Variants in GRIK4 observed in about 807,000 individuals in gnomAD.
GRIK4 encodes the protein glutamate receptor ionotropic, kainate 4.
Under a neutral mutation model 104.9 loss-of-function variants are expected in GRIK4, and 40 were observed. The observed-to-expected ratio is 0.38, with a 90% CI of 0.30 to 0.50. The LOEUF (loss-of-function observed/expected upper bound fraction) is 0.50, where lower values mean the gene tolerates loss of function less well. Among genes scored for constraint, GRIK4 ranks in the 20% least tolerant of loss-of-function variants. The pLI, the probability that GRIK4 is intolerant of heterozygous loss-of-function variation, is 0.93. For synonymous variants in GRIK4, 485 were observed against 524.9 expected, an observed-to-expected ratio of 0.92 and a Z score of 1.04; for missense variants, 1,047 against 1,308.1, an observed-to-expected ratio of 0.80 and a Z score of 3.08.
At chr11:120,634,812 C>G (rs926607777) in intron 1 of GRIK4, among the ~76,000 whole-genome samples, 1 of 152,176 alleles carries the variant, frequency 6.6e-6, no homozygotes, top group Non-Finnish European at 1.5e-5. Context: ...CCTTCCTCCT[C>G]TCTGCCAATC....
chr11:120,886,709 G>T (rs1010893039), intron 11 of GRIK4, among the ~76,000 whole-genome samples: 3 of 152,200 alleles, frequency 2.0e-5, no homozygotes, highest in African/African-American at 7.2e-5. Flanking sequence ...AGCCAAGAGA[G>T]AAGACCAGGA....
At chr11:120,945,816 C>T (rs1391939777) in intron 14 of GRIK4, among the ~76,000 whole-genome samples, 2 of 152,242 alleles carry the variant, frequency 1.3e-5, no homozygotes. Context: ...ATATTCCACA[C>T]ACAACATAGC....
intron 3 of GRIK4, among the ~76,000 whole-genome samples, chr11:120,783,675 A>T (rs561748961): frequency 3.0e-4 from 45 of 152,202 alleles, no homozygotes; most frequent in African/African-American, 1.1e-3. Context: ...GTGGTAAGTG[A>T]TATTTCTTTC....
chr11:120,572,883 T>C lies in GRIK4; in HGVS notation c.-159+60996T>C, dbSNP rs924301850. Among the ~76,000 whole-genome samples the C allele has an allele frequency of 9.9e-5, 15 of 152,266 alleles. No individual in the cohort carries two copies. The South Asian group carries it at 3.1e-3, about 32-fold the overall frequency. Reference sequence around the variant, plus strand: ...AAATGACCCAACTAAGGCCATTAAATATTGTGCAAGAAGATTGGAAAGCCA... The same window carrying C: ...AAATGACCCAACTAAGGCCATTAAACATTGTGCAAGAAGATTGGAAAGCCA... On this transcript the variant is annotated intron_variant, in intron 1 of 20. Transcript: ENST00000527524.
chr11:120,590,092 G>A (rs975473936), intron 1 of GRIK4, among the ~76,000 whole-genome samples: 1 of 152,306 alleles, frequency 6.6e-6, no homozygotes, highest in South Asian at 2.1e-4. Flanking sequence ...GTTTCAATGC[G>A]TTTTTCATCC....
intron 3 of GRIK4, among the ~76,000 whole-genome samples, chr11:120,753,445 G>A (rs1163842364): frequency 6.6e-6 from 1 of 152,026 alleles, no homozygotes; most frequent in Non-Finnish European, 1.5e-5. Flanking sequence ...TGGCTGAGCG[G>A]CCTCAGACAA....
At chr11:120,615,575 C>G (rs1452152675) in intron 1 of GRIK4, among the ~76,000 whole-genome samples, 1 of 152,172 alleles carries the variant, frequency 6.6e-6, no homozygotes, top group Non-Finnish European at 1.5e-5. Context: ...TTCCAGGAAG[C>G]CCAGCCATGC....
rs7109262 is a variant in GRIK4, at chr11:120,903,123, T to C, written c.1273-2167T>C. ...GCCCATCAGGATTTCAGTGCTTTCCTCTCTGGGCTCCTAGAATCGTGATGT... is the reference window on the plus strand; with the variant it reads ...GCCCATCAGGATTTCAGTGCTTTCCCCTCTGGGCTCCTAGAATCGTGATGT... On this transcript the variant is annotated intron_variant, in intron 12 of 20. Transcript: ENST00000527524. This position sits in a 1 kb window ranked among gnomAD's most constrained non-coding sequence, Gnocchi z 4.4. Among the ~76,000 whole-genome samples the C allele has an allele frequency of 0.076, 11,495 of 152,008 alleles. 1,474 individuals are homozygous for C. The highest frequency in any genetic ancestry group is 0.26 in the African/African-American group (10,874 of 41,364).
chr11:120,760,339 AATATAT>A (rs1002376680), intron 3 of GRIK4, among the ~76,000 whole-genome samples: 2 of 148,958 alleles, frequency 1.3e-5, no homozygotes, highest in Non-Finnish European at 3.0e-5. Context: ...AAAGTTGAAT[AATATAT>A]ATATACACAC....
intron 13 of GRIK4, among the ~76,000 whole-genome samples, chr11:120,926,567 G>A (rs2134589416): frequency 6.6e-6 from 1 of 152,338 alleles, no homozygotes; most frequent in South Asian, 2.1e-4. Flanking sequence ...GTTAGTAAGT[G>A]GCTGAGCTGG....
Position 120,815,296 on chromosome 11 carries a change from G to A in GRIK4, c.248-82G>A, listed in dbSNP as rs1449171705. ...TGCAGAAGGTGAGGGGGCAGCGGGT[G>A]AAGAGGAGAGGACTGGGCCATGGCG... On this transcript the variant is annotated intron_variant, in intron 4 of 20. Coordinates refer to ENST00000527524, the MANE Select transcript of GRIK4 (RefSeq NM_014619.5). 1.6e-5 allele frequency: 12 copies of A among 768,106 alleles called. No homozygotes were observed. The South Asian group carries it at 1.6e-4, about 10-fold the overall frequency. 47.6% of individuals were successfully genotyped at this position (768,106 alleles called of 1,614,324 possible).
chr11:120,642,860 T>A (rs1203413461), intron 1 of GRIK4, among the ~76,000 whole-genome samples: 1 of 152,198 alleles, frequency 6.6e-6, no homozygotes, highest in East Asian at 1.9e-4. Flanking sequence ...TGAATTATTA[T>A]AACATTCAAT....
intron 1 of GRIK4, among the ~76,000 whole-genome samples, chr11:120,538,934 A>G (rs936681918): frequency 2.6e-5 from 4 of 152,160 alleles, no homozygotes; most frequent in Admixed American, 1.3e-4. Context: ...CAGATTAGAC[A>G]TTTCTCCTCT....
rs201906127 is a variant in GRIK4, at chr11:120,802,841, C to T, written c.231C>T (p.Tyr77=). 5.6e-6 allele frequency: 9 copies of T among 1,614,048 alleles called. No homozygotes were observed. The East Asian group carries it at 6.7e-5, about 12-fold the overall frequency. ...DIFELLRDSE[Y]ETAETMCQIL... is the part of the protein sequence containing the mutation. ...TTGAGCTTCTCAGAGACAGCGAGTACGAGACTGCAGAAACCAGTACGTAGA... is the reference window on the plus strand; with the variant it reads ...TTGAGCTTCTCAGAGACAGCGAGTATGAGACTGCAGAAACCAGTACGTAGA... The change falls in exon 4 of 21, where the codon TAC becomes TAT. Residue 77 remains tyrosine (Y), a synonymous_variant. Coordinates refer to ENST00000527524, the MANE Select transcript of GRIK4 (RefSeq NM_014619.5).
At chr11:120,802,131 A>G (rs1952631252) in intron 3 of GRIK4, among the ~76,000 whole-genome samples, 2 of 152,210 alleles carry the variant, frequency 1.3e-5, no homozygotes, top group African/African-American at 4.8e-5. Context: ...TCAGTGAGGA[A>G]AAGAGGTTCA....
intron 1 of GRIK4, among the ~76,000 whole-genome samples, chr11:120,526,012 C>T (rs534519030): frequency 1.3e-5 from 2 of 152,258 alleles, no homozygotes; most frequent in East Asian, 1.9e-4. Context: ...GTTTTCAGTA[C>T]GTACTGTGTG....
intron 1 of GRIK4, among the ~76,000 whole-genome samples, chr11:120,520,370 T>C (rs1001170455): frequency 2.6e-5 from 4 of 152,244 alleles, no homozygotes; most frequent in Non-Finnish European, 4.4e-5. Flanking sequence ...TGGCCTGATT[T>C]CTTCGATCCC....
chr11:120,921,328 A>G (rs1260903759), intron 13 of GRIK4, among the ~76,000 whole-genome samples: 2 of 152,194 alleles, frequency 1.3e-5, no homozygotes, highest in Non-Finnish European at 1.5e-5. Flanking sequence ...GCTCTGGCAT[A>G]TAGCACTCAC....
intron 3 of GRIK4, among the ~76,000 whole-genome samples, chr11:120,778,377 G>A (rs1294362144): frequency 6.6e-6 from 1 of 152,090 alleles, no homozygotes; most frequent in East Asian, 1.9e-4. Flanking sequence ...TTTGTTTTGT[G>A]GATTAAAGAC....
Sources: allele counts gnomAD v4.1 joint callset (sites outside exome capture counted in the v4.1 genomes callset), GRCh38; gene constraint gnomAD v4.1.1; non-coding constraint Gnocchi (gnomAD v3.1); transcripts MANE v1.5; gene names NCBI Gene and HGNC (gene_info 2026-07-23, HGNC 2026-07-21).